Variants in GXYLT2 observed in about 807,000 individuals in gnomAD.
GXYLT2 encodes the protein glycosyltransferase 8 domain containing 4.
Under a neutral mutation model 45.8 loss-of-function variants are expected in GXYLT2, and 53 were observed. The observed-to-expected ratio is 1.16, with a 90% confidence interval of 0.93 to 1.46. GXYLT2 has a LOEUF of 1.46. GXYLT2 is among the 40% of genes most tolerant of loss of function. The pLI is 0.00. For missense variants in GXYLT2, 551 were observed against 544.4 expected, an observed-to-expected ratio of 1.01 and a Z score of -0.12; for synonymous variants, 219 against 214.2, an observed-to-expected ratio of 1.02 and a Z score of -0.19.
At chr3:72,895,286 C>G (rs1709267316) in intron 1 of GXYLT2, among the ~76,000 whole-genome samples, 1 of 152,136 alleles carries the variant, frequency 6.6e-6, no homozygotes, top group South Asian at 2.1e-4. Context: ...GGGCAGCTCC[C>G]AACACTGTTC....
At chr3:72,922,596 C>T (rs937118953) in intron 3 of GXYLT2, among the ~76,000 whole-genome samples, 3 of 152,154 alleles carry the variant, frequency 2.0e-5, no homozygotes, top group African/African-American at 7.2e-5. Context: ...TATTTACTGG[C>T]TCCTGTGAAC....
chr3:72,909,143 A>G (rs1411937150), intron 2 of GXYLT2, among the ~76,000 whole-genome samples: 1 of 130,816 alleles, frequency 7.6e-6, no homozygotes. Context: ...ATCTTAGCTC[A>G]TTGCACCCTC....
intron 3 of GXYLT2, among the ~76,000 whole-genome samples, chr3:72,939,276 G>T (rs113682732): frequency 0.011 from 1,637 of 152,076 alleles, 27 homozygotes; most frequent in African/African-American, 0.037. Context: ...GTGAAACCCT[G>T]TCTCTACTAA....
intron 5 of GXYLT2, among the ~76,000 whole-genome samples, chr3:72,962,293 G>A (rs138562806): frequency 6.2e-4 from 94 of 152,244 alleles, no homozygotes; most frequent in Non-Finnish European, 9.7e-4. Flanking sequence ...GATGTAAAAC[G>A]CAAGAGAAAA....
rs571843673 is a variant in GXYLT2 at position 72,895,975 on chromosome 3, A to G, written c.275+7467A>G. Among the ~76,000 whole-genome samples the G allele has an allele frequency of 2.0e-5, 3 of 152,342 alleles. No homozygotes were observed. The East Asian group carries it at 5.8e-4, about 29-fold the overall frequency. On this transcript the variant is annotated intron_variant, in intron 1 of 6. Coordinates refer to ENST00000389617, the MANE Select transcript of GXYLT2 (RefSeq NM_001080393.2). ...ATCCAAAATATGGCTCTCTTTTATG[A>G]GTCAGAAAACTGAGATCCGAGAGGT... is the stretch of plus-strand genomic sequence containing the variant.
At chr3:72,946,628 C>T (rs1408874625) in intron 3 of GXYLT2, among the ~76,000 whole-genome samples, 1 of 152,054 alleles carries the variant, frequency 6.6e-6, no homozygotes, top group Non-Finnish European at 1.5e-5. Context: ...GAGAGCTCTC[C>T]GAGGCCTTCT....
At chr3:72,922,061 G>A in intron 2 of GXYLT2, 143 bp from the exon 3 acceptor site, 1 of 683,568 alleles carries the variant, frequency 1.5e-6, no homozygotes, top group Non-Finnish European at 2.5e-6. Context: ...CTTTCATTTA[G>A]TGAACATTCA....
chr3:72,952,457 G>A (rs1458438025), intron 3 of GXYLT2, among the ~76,000 whole-genome samples: 2 of 152,126 alleles, frequency 1.3e-5, no homozygotes, highest in African/African-American at 4.8e-5. Flanking sequence ...CAGGTCTGAA[G>A]TTCCTTTGAT....
At chr3:72,939,418 G>T (rs1710256450) in intron 3 of GXYLT2, among the ~76,000 whole-genome samples, 1 of 151,992 alleles carries the variant, frequency 6.6e-6, no homozygotes, top group Non-Finnish European at 1.5e-5. Context: ...CTGGGTGACA[G>T]AGCAAGACTT....
At chr3:72,896,854 TAA>T (rs112290225) in intron 1 of GXYLT2, among the ~76,000 whole-genome samples, 5 of 145,264 alleles carry the variant, frequency 3.4e-5, no homozygotes, top group African/African-American at 1.0e-4. Context: ...TGTCTCACAT[TAA>T]AAAAAAAAAA....
At chr3:72,960,322 A>G (rs1710745181) in intron 5 of GXYLT2, among the ~76,000 whole-genome samples, 1 of 152,252 alleles carries the variant, frequency 6.6e-6, no homozygotes, top group Non-Finnish European at 1.5e-5. Context: ...CAAAAGATTC[A>G]CACAGTTGCC....
At chr3:72,933,550 AAG>A (rs1173879029) in intron 3 of GXYLT2, among the ~76,000 whole-genome samples, 1 of 152,192 alleles carries the variant, frequency 6.6e-6, no homozygotes, top group Non-Finnish European at 1.5e-5. Context: ...ATTAAGAAAA[AAG>A]AAAAATAAAT....
At chr3:72,957,160 A>G in intron 4 of GXYLT2, 69 bp from the exon 5 acceptor site, 4 of 1,492,892 alleles carry the variant, frequency 2.7e-6, no homozygotes, top group Non-Finnish European at 3.6e-6. Context: ...TAGTCCCTTT[A>G]CATTGTTTCT....
chr3:72,974,688 T>G (rs1711058030), intron 6 of GXYLT2, among the ~76,000 whole-genome samples: 1 of 152,138 alleles, frequency 6.6e-6, no homozygotes, highest in African/African-American at 2.4e-5. Context: ...GCTCAAGTGG[T>G]CCTCCCACCT....
chr3:72,946,869 G>T (rs1229156222), intron 3 of GXYLT2, among the ~76,000 whole-genome samples: 3 of 151,934 alleles, frequency 2.0e-5, no homozygotes, highest in Non-Finnish European at 2.9e-5. Flanking sequence ...TGTTGCCTAG[G>T]CCTCTGTGCA....
intron 3 of GXYLT2, chr3:72,929,052 C>T: frequency 1.9e-6 from 3 of 1,575,234 alleles, no homozygotes. Flanking sequence ...GTGACGACCG[C>T]GTCCACCTCG....
At chr3:72,933,265 G>T (rs1220668668) in intron 3 of GXYLT2, among the ~76,000 whole-genome samples, 1 of 152,142 alleles carries the variant, frequency 6.6e-6, no homozygotes, top group Non-Finnish European at 1.5e-5. Context: ...TTGTAAACAT[G>T]TCCCAGCAGG....
At chr3:72,928,451 G>A (rs937897619) in intron 3 of GXYLT2, among the ~76,000 whole-genome samples, 5 of 152,176 alleles carry the variant, frequency 3.3e-5, no homozygotes, top group African/African-American at 1.2e-4. Context: ...CCAGCTCCCA[G>A]TTGAGGAACA....
chr3:72,951,775 T>C (rs1294785473), intron 3 of GXYLT2, among the ~76,000 whole-genome samples: 1 of 152,220 alleles, frequency 6.6e-6, no homozygotes, highest in Non-Finnish European at 1.5e-5. Context: ...AATTTTGAAA[T>C]TAGAATCTTC....
Sources: gnomAD v4.1 joint callset for allele counts (sites outside exome capture counted in the v4.1 genomes callset) on GRCh38, gnomAD v4.1.1 for gene constraint, MANE v1.5 for transcripts, NCBI Gene and HGNC (gene_info 2026-07-23, HGNC 2026-07-21) for gene names.